DPP6: variants seen among roughly 807,000 people sequenced by gnomAD.
DPP6 encodes the protein dipeptidyl peptidase like 6.
DPP6 carries 69 observed loss-of-function variants against 122.6 expected under a neutral mutation model. That is an observed-to-expected ratio of 0.56 (90% confidence interval 0.46 to 0.69). DPP6 has a LOEUF of 0.69. Among genes scored for constraint, DPP6 ranks in the 30% least tolerant of loss-of-function variants. The probability of loss-of-function intolerance (pLI) is 0.00; values close to 1 mark genes in which losing one functional copy is unlikely to be tolerated. For synonymous variants in DPP6, 418 were observed against 433.1 expected (o/e 0.97, Z 0.43); for missense variants, 928 against 1,116.9 (o/e 0.83, Z 2.41).
chr7:154,431,780 A>G (rs962724084), intron 1 of DPP6, among the ~76,000 whole-genome samples: 4 of 151,932 alleles, frequency 2.6e-5, no homozygotes, highest in East Asian at 1.9e-4. Context: ...TGATCCGCCC[A>G]CCTCAGCCTC....
At chr7:153,845,444 G>T in the DPP6 span, among the ~76,000 whole-genome samples, 1 of 151,718 alleles carries the variant, frequency 6.6e-6, no homozygotes, top group Non-Finnish European at 1.5e-5. Flanking sequence ...CTTTTGATCA[G>T]TTTATCCTAT....
At chr7:154,891,228 C>T (rs1806575602) in intron 25 of DPP6, 1 of 152,114 alleles carries the variant, frequency 6.6e-6, no homozygotes, top group South Asian at 2.1e-4. Flanking sequence ...GAGACCCTGT[C>T]TGAAAAAGAA....
chr7:154,672,508 G>A (rs80089312), intron 7 of DPP6, among the ~76,000 whole-genome samples: 2,042 of 152,300 alleles, frequency 0.013, 47 homozygotes, highest in African/African-American at 0.046. Flanking sequence ...TGAAGAATTG[G>A]ATGGTGGCAA....
Position 154,438,402 on chromosome 7 carries a change from G to A in DPP6, c.244-7812G>A, listed in dbSNP as rs529642637. ...GGAGAACGGCGTGAACCCAGGAGGC[G>A]GAGCTTGCAGTGAGTCGAGATAGCA... is the stretch of plus-strand genomic sequence containing the variant. On this transcript the variant is annotated intron_variant, in intron 1 of 25. Coordinates refer to ENST00000377770, the MANE Select transcript of DPP6 (RefSeq NM_130797.4). Among the ~76,000 whole-genome samples the A allele has an allele frequency of 4.8e-5, 7 of 146,906 alleles. No homozygotes were observed. The East Asian group carries it at 6.0e-4, about 13-fold the overall frequency.
intron 1 of DPP6, among the ~76,000 whole-genome samples, chr7:154,238,649 G>A (rs545481007): frequency 5.3e-5 from 8 of 152,312 alleles, no homozygotes; most frequent in African/African-American, 1.9e-4. Flanking sequence ...CAGAGTCCAC[G>A]CTGTGAATCA....
rs35476633 is a variant in DPP6 at position 154,357,275 on chromosome 7, CTTT to C, written c.244-88925_244-88923del. 7.0e-3 allele frequency among the ~76,000 whole-genome samples: 840 copies of C among 120,844 alleles called. 18 individuals carry two copies. The highest frequency in any genetic ancestry group is 0.064 in the East Asian group (260 of 4,064). The allele number at this position is 120,844 out of a possible 152,430, so 79.3% of individuals were successfully genotyped here. On this transcript the variant is annotated intron_variant, in intron 1 of 25. Coordinates refer to ENST00000377770, the MANE Select transcript of DPP6 (RefSeq NM_130797.4). The stretch of plus-strand genomic sequence containing the variant: ...ATTATCTTTAGAAAGTAATGTGGGG[CTTT>C]TTTTTTTTTTTTTGCAATTGAAAAT...
In DPP6 at chr7:153,932,670, C is replaced by T. The variant is rs548588580; in HGVS notation, c.51+44936C>T. Among the ~76,000 whole-genome samples the T allele has an allele frequency of 2.4e-4, 36 of 152,230 alleles. No homozygotes were observed. In the South Asian group the frequency reaches 7.5e-3, roughly 32 times the overall value. ...GGGAAGAGGATAAACTTCCTCCAGA[C>T]CTGGGGAAGAAGATAATCTGTTCCA... On this transcript the variant is annotated intron_variant, in intron 1 of 25. Transcript: ENST00000404039.
intron 16 of DPP6, among the ~76,000 whole-genome samples, chr7:154,823,824 A>T (rs1799956748): frequency 1.3e-5 from 2 of 152,212 alleles, no homozygotes; most frequent in African/African-American, 4.8e-5. Flanking sequence ...TTCAGGGCCC[A>T]TTGCAGCACC....
chr7:154,813,092 T>C (rs1799172375), intron 16 of DPP6, among the ~76,000 whole-genome samples: 1 of 151,934 alleles, frequency 6.6e-6, no homozygotes, highest in Non-Finnish European at 1.5e-5. Context: ...CTCAATTTTT[T>C]TTTTTTGAGA....
At chr7:154,798,160 A>T (rs909335460) in intron 12 of DPP6, among the ~76,000 whole-genome samples, 10 of 152,236 alleles carry the variant, frequency 6.6e-5, no homozygotes, top group African/African-American at 2.4e-4. Flanking sequence ...CTGGCTTCCC[A>T]GCTGGCCACC....
intron 2 of DPP6, among the ~76,000 whole-genome samples, chr7:154,451,608 C>A (rs986480462): frequency 2.6e-5 from 4 of 152,148 alleles, no homozygotes; most frequent in African/African-American, 4.8e-5. Context: ...CCAAGGCAAC[C>A]ACAGCAGCCT....
rs1803625906 is a variant in DPP6 at position 154,863,847 on chromosome 7, G to A, written c.1715-4148G>A. ...GGAGCTCAGAGAAAAGAGATTTCCA[G>A]TTAAGGTGAGTAAGTTTAAACAGTA... is the stretch of plus-strand genomic sequence containing the variant. On this transcript the variant is annotated intron_variant, in intron 17 of 25. Coordinates refer to ENST00000377770, the MANE Select transcript of DPP6 (RefSeq NM_130797.4). The surrounding 1 kb of genome is among the most constrained non-coding windows in gnomAD (Gnocchi z 4.1). 6.6e-6 allele frequency among the ~76,000 whole-genome samples: 1 copy of A among 152,048 alleles called. No homozygotes were observed. The highest frequency in any genetic ancestry group is 1.5e-5 in the Non-Finnish European group (1 of 68,034).
At chr7:154,143,227 A>T (rs1542627) in intron 1 of DPP6, among the ~76,000 whole-genome samples, 1 of 152,196 alleles carries the variant, frequency 6.6e-6, no homozygotes, top group Non-Finnish European at 1.5e-5. Context: ...CAACAAAGAC[A>T]GAGTGTTTTG....
chr7:154,656,598 T>C (rs1397277807), intron 6 of DPP6, among the ~76,000 whole-genome samples: 3 of 152,148 alleles, frequency 2.0e-5, no homozygotes, highest in African/African-American at 7.2e-5. Flanking sequence ...TGCAGTGGGT[T>C]AGGGACAGGA....
intron 7 of DPP6, among the ~76,000 whole-genome samples, chr7:154,682,512 G>A (rs1004922196): frequency 2.0e-5 from 3 of 152,226 alleles, no homozygotes; most frequent in African/African-American, 7.2e-5. Flanking sequence ...CTAATGCCCT[G>A]TGAGGGCCTC....
chr7:153,830,301 GA>G, the DPP6 span, among the ~76,000 whole-genome samples: 5 of 152,154 alleles, frequency 3.3e-5, no homozygotes, highest in Admixed American at 2.6e-4. Flanking sequence ...GATGAGCTTG[GA>G]AGGGTTTCAA....
Position 154,481,038 on chromosome 7 carries a change from C to G in DPP6, c.457+6001C>G, listed in dbSNP as rs1823227795. Among the ~76,000 whole-genome samples the G allele has an allele frequency of 6.6e-6, 1 of 152,056 alleles. No individual in the cohort carries two copies. Among genetic ancestry groups the G allele is most frequent in the Non-Finnish European group, 1.5e-5 (1 of 68,014 alleles). On this transcript the variant is annotated intron_variant, in intron 3 of 25. Coordinates refer to ENST00000377770, the MANE Select transcript of DPP6 (RefSeq NM_130797.4). The surrounding 1 kb of genome is among the most constrained non-coding windows in gnomAD (Gnocchi z 4.2). ...ATACCATGGCAGACTTGGCATCAGT[C>G]CACTCGGAGGGTTGGAGGGCTGGAC...
intron 1 of DPP6, among the ~76,000 whole-genome samples, chr7:154,309,970 A>C (rs2150995518): frequency 6.6e-6 from 1 of 152,368 alleles, no homozygotes; most frequent in African/African-American, 2.4e-5. Context: ...GGAACTGCTG[A>C]AGAATAGGGA....
At chr7:154,138,618 C>T (rs964309879) in intron 1 of DPP6, among the ~76,000 whole-genome samples, 29 of 151,784 alleles carry the variant, frequency 1.9e-4, no homozygotes, top group Non-Finnish European at 3.4e-4. Context: ...GCATATTGGA[C>T]CCATCATGAA....
Sources: allele counts gnomAD v4.1 joint callset (sites outside exome capture counted in the v4.1 genomes callset), GRCh38; gene constraint gnomAD v4.1.1; non-coding constraint Gnocchi (gnomAD v3.1); transcripts MANE v1.5; gene names NCBI Gene and HGNC (gene_info 2026-07-23, HGNC 2026-07-21).